SNW1: variants seen among roughly 807,000 people sequenced by gnomAD.
The protein encoded by SNW1 is SNW domain containing 1.
In SNW1, 9 loss-of-function variants were observed where a neutral mutation model predicts 75.6. The observed-to-expected ratio is 0.12, with a 90% CI of 0.07 to 0.21. The LOEUF is 0.21. Among genes scored for constraint, SNW1 ranks in the 10% least tolerant of loss-of-function variants. SNW1 has a pLI of 1.00. For missense variants in SNW1, 409 were observed against 670.9 expected (o/e 0.61, Z 4.31); for synonymous variants, 200 against 219.1 (o/e 0.91, Z 0.77).
At chr14:77,734,911 T>C (rs776672274) in intron 8 of SNW1, 36 bp downstream of exon 8, 1 of 1,417,486 alleles carries the variant, frequency 7.1e-7, no homozygotes, top group Non-Finnish European at 9.9e-7. Flanking sequence ...TTCCAGTAGG[T>C]TATACTAATA....
chr14:77,730,807 C>T, intron 10 of SNW1, 181 bp downstream of exon 10: 10 of 607,114 alleles, frequency 1.6e-5, no homozygotes, highest in African/African-American at 3.8e-5. Context: ...CCACTTTTTT[C>T]TTATCTCCTG....
intron 6 of SNW1, among the ~76,000 whole-genome samples, chr14:77,736,537 AGACT>A (rs1458900491): frequency 1.4e-5 from 2 of 140,864 alleles, no homozygotes; most frequent in Non-Finnish European, 3.0e-5. Flanking sequence ...TGACAGAGCG[AGACT>A]GTCTCTCAAA....
At chr14:77,754,683 T>A (rs78197272) in intron 2 of SNW1, among the ~76,000 whole-genome samples, 1,585 of 152,272 alleles carry the variant, frequency 0.01, 34 homozygotes, top group African/African-American at 0.036. Context: ...TTTCCGTAAT[T>A]CCTGAATTTA....
intron 5 of SNW1, among the ~76,000 whole-genome samples, chr14:77,737,452 A>C (rs1005253849): frequency 6.6e-6 from 1 of 152,124 alleles, no homozygotes; most frequent in African/African-American, 2.4e-5. Flanking sequence ...GCAGTTTTTG[A>C]TTAATCATAG....
intron 3 of SNW1, among the ~76,000 whole-genome samples, chr14:77,741,096 CAAAAAAAAAAAAA>C (rs60307573): frequency 1.1e-5 from 1 of 87,304 alleles, no homozygotes; most frequent in Admixed American, 1.4e-4. Flanking sequence ...AAACTGTCTC[CAAAAAAAAAAAAA>C]AAAAAAAAAG....
At chr14:77,739,147 C>T in intron 3 of SNW1, 86 bp from the exon 4 acceptor site, 1 of 881,396 alleles carries the variant, frequency 1.1e-6, no homozygotes, top group Admixed American at 2.1e-5. Flanking sequence ...AACATGCCCT[C>T]TCAGCACACT....
At chr14:77,756,820 A>G (rs1043471383) in intron 1 of SNW1, among the ~76,000 whole-genome samples, 5 of 152,230 alleles carry the variant, frequency 3.3e-5, no homozygotes, top group Admixed American at 3.3e-4. Context: ...TGGAGGGTAC[A>G]GTGAGCCAAG....
chr14:77,743,546 A>C (rs1413266235), intron 3 of SNW1, among the ~76,000 whole-genome samples: 1 of 152,206 alleles, frequency 6.6e-6, no homozygotes, highest in Non-Finnish European at 1.5e-5. Flanking sequence ...CAGAAATCTT[A>C]GTCCAAATTC....
chr14:77,725,559 T>C (rs1418441568), intron 10 of SNW1, among the ~76,000 whole-genome samples: 1 of 152,224 alleles, frequency 6.6e-6, no homozygotes, highest in Non-Finnish European at 1.5e-5. Context: ...CTATTCGGTT[T>C]TCACAGCATT....
At chr14:77,735,853 G>T (rs1210601109) in intron 7 of SNW1, 84 bp downstream of exon 7, 2 of 903,832 alleles carry the variant, frequency 2.2e-6, no homozygotes, top group Admixed American at 5.0e-5. Context: ...GTGGTGACAT[G>T]CACCTGTATA....
In SNW1 at chr14:77,751,499, TAAATA is replaced by T; in HGVS notation, c.169-24_169-20del. On this transcript the variant is annotated intron_variant, in intron 2 of 13. Coordinates refer to ENST00000261531, the MANE Select transcript of SNW1 (RefSeq NM_012245.3). The stretch of plus-strand genomic sequence containing the variant: ...CAAAATCCTACACATTAGAAGTAGT[TAAATA>T]AAATAGTTAATCATCATTTGACATT... The T allele has an allele frequency of 6.4e-7, 1 of 1,556,170 alleles. No homozygotes were observed. The highest frequency in any genetic ancestry group is 8.7e-7 in the Non-Finnish European group (1 of 1,149,544).
At chr14:77,739,292 C>T (rs1363741631) in intron 3 of SNW1, among the ~76,000 whole-genome samples, 1 of 152,156 alleles carries the variant, frequency 6.6e-6, no homozygotes, top group Non-Finnish European at 1.5e-5. Flanking sequence ...TGTTTGAGAT[C>T]TTCTAATCAA....
chr14:77,725,075 A>C (rs2080574314), intron 10 of SNW1, among the ~76,000 whole-genome samples: 1 of 151,990 alleles, frequency 6.6e-6, no homozygotes, highest in South Asian at 2.1e-4. Flanking sequence ...TGTGGTTTTG[A>C]TTTGAATTTC....
At chr14:77,760,605 A>G in intron 1 of SNW1, 1 of 701,742 alleles carries the variant, frequency 1.4e-6, no homozygotes, top group Non-Finnish European at 2.6e-6. Flanking sequence ...GGCGGTCACT[A>G]CTGTGGCTCA....
chr14:77,752,283 A>G (rs1216426667), intron 2 of SNW1, among the ~76,000 whole-genome samples: 1 of 152,226 alleles, frequency 6.6e-6, no homozygotes, highest in Non-Finnish European at 1.5e-5. Flanking sequence ...AAATGAGTTT[A>G]CTACATTTCT....
chr14:77,757,279 G>C (rs1323109291), intron 1 of SNW1, among the ~76,000 whole-genome samples: 1 of 152,082 alleles, frequency 6.6e-6, no homozygotes, highest in African/African-American at 2.4e-5. Flanking sequence ...AGTTATGATG[G>C]AAAAATATAG....
At chr14:77,733,757 A>AG (rs2139906201) in intron 8 of SNW1, among the ~76,000 whole-genome samples, 1 of 150,500 alleles carries the variant, frequency 6.6e-6, no homozygotes, top group Admixed American at 6.6e-5. Flanking sequence ...AAAAAAAAAA[A>AG]AAAAAAAAAA....
At chr14:77,721,100 C>T (rs1424878687) in intron 11 of SNW1, 4 of 382,470 alleles carry the variant, frequency 1.0e-5, no homozygotes, top group Non-Finnish European at 1.4e-5. Context: ...TAAGCAATCA[C>T]CTTACAACCA....
chr14:77,756,737 G>A (rs1412384133), intron 1 of SNW1, among the ~76,000 whole-genome samples: 1 of 152,116 alleles, frequency 6.6e-6, no homozygotes, highest in Non-Finnish European at 1.5e-5. Flanking sequence ...TACAAAATTA[G>A]CCAGGCGTGC....
Sources: allele counts gnomAD v4.1 joint callset (sites outside exome capture counted in the v4.1 genomes callset), GRCh38; gene constraint gnomAD v4.1.1; transcripts MANE v1.5; gene names NCBI Gene and HGNC (gene_info 2026-07-23, HGNC 2026-07-21).